Variants in MTCP1 observed in about 807,000 individuals in gnomAD.
MTCP1 encodes protein p13 MTCP-1.
MTCP1 carries 2 observed loss-of-function variants against 10.6 expected under a neutral mutation model. The observed-to-expected ratio is 0.19, with a 90% CI of 0.08 to 0.59. The LOEUF (loss-of-function observed/expected upper bound fraction) is 0.59, where lower values mean the gene tolerates loss of function less well. Among genes scored for constraint, MTCP1 ranks in the 20% least tolerant of loss-of-function variants. The probability of loss-of-function intolerance (pLI) is 0.90; values close to 1 mark genes in which losing one functional copy is unlikely to be tolerated. For synonymous variants in MTCP1, 29 were observed against 34.4 expected (o/e 0.84, Z 0.55); for missense variants, 33 against 91.5 (o/e 0.36, Z 2.61).
At chrX:155,066,798 A>G (rs115363683) in intron 1 of MTCP1, among the ~76,000 whole-genome samples, 5,226 of 111,617 alleles carry the variant, frequency 0.047, 315 homozygotes, top group African/African-American at 0.16. Flanking sequence ...AGGATGTTAC[A>G]GGAGCCCATT....
At chrX:155,069,461 G>C (rs2073961237) in intron 1 of MTCP1, among the ~76,000 whole-genome samples, 1 of 112,002 alleles carries the variant, frequency 8.9e-6, no homozygotes, top group Non-Finnish European at 1.9e-5. Context: ...TCTTTATTTA[G>C]CATTTCCTAT....
Position 155,064,228 on chromosome X carries a change from G to C in MTCP1, c.*1176C>G. On this transcript the variant is annotated 3_prime_UTR_variant, in exon 5 of 5. Transcript: ENST00000369476. Reference sequence around the variant, plus strand: ...AATATCCATTTCATTAGGCTTGGAAGATATAAATAGCTTTACATGGAAAAA... The same window carrying C: ...AATATCCATTTCATTAGGCTTGGAACATATAAATAGCTTTACATGGAAAAA... 2 of 300,168 alleles carry C rather than the reference G, an allele frequency of 6.7e-6. No individual in the cohort carries two copies. The highest frequency in any genetic ancestry group is 1.2e-5 in the Non-Finnish European group (2 of 168,876). The allele number at this position is 300,168 out of a possible 1,213,427, so 24.7% of individuals were successfully genotyped here.
Position 155,064,071 on chromosome X carries a change from C to G in MTCP1, c.*1333G>C. On this transcript the variant is annotated 3_prime_UTR_variant, in exon 5 of 5. Coordinates refer to ENST00000369476, the MANE Select transcript of MTCP1 (RefSeq NM_001018025.4). ...AAATGATTTTTATTTTTCTTTTTTC[C>G]ATAAAGACTTTAAAGCCCCTCTACG... The G allele has an allele frequency of 9.1e-7, 1 of 1,101,425 alleles. No homozygotes were observed. The highest frequency in any genetic ancestry group is 1.2e-6 in the Non-Finnish European group (1 of 818,129). 90.8% of individuals were successfully genotyped at this position (1,101,425 alleles called of 1,213,427 possible).
chrX:155,068,873 GCAATA>G (rs1384588635), intron 1 of MTCP1, among the ~76,000 whole-genome samples: 8 of 112,547 alleles, frequency 7.1e-5, no homozygotes, highest in African/African-American at 2.6e-4. Context: ...GGTACAAGGT[GCAATA>G]CAATACATGG....
chrX:155,066,136 C>G, intron 1 of MTCP1, 79 bp from the exon 2 acceptor site: 4 of 479,492 alleles, frequency 8.3e-6, no homozygotes, highest in Non-Finnish European at 1.4e-5. Context: ...TGATCTGGTA[C>G]TAGCAACCAC....
intron 1 of MTCP1, among the ~76,000 whole-genome samples, chrX:155,066,349 C>T (rs1399205728): frequency 2.7e-5 from 3 of 112,172 alleles, no homozygotes; most frequent in African/African-American, 9.7e-5. Context: ...GCAGTGGTCT[C>T]ACACATACTG....
chrX:155,066,648 AT>A (rs2073949558), intron 1 of MTCP1, among the ~76,000 whole-genome samples: 1 of 112,219 alleles, frequency 8.9e-6, no homozygotes, highest in East Asian at 2.8e-4. Context: ...CTAGAAGGGG[AT>A]TTTCTTGTTA....
At position 155,064,844 on chromosome X, in the gene MTCP1, A is replaced by C. The variant is rs1045759962; in HGVS notation, c.*560T>G. On this transcript the variant is annotated 3_prime_UTR_variant, in exon 5 of 5. Coordinates refer to ENST00000369476, the MANE Select transcript of MTCP1 (RefSeq NM_001018025.4). ...CCTTTGTAGCTAATTTCATCAATGC[A>C]TATCTCTTTTCAGAGCCCTCTAAAT... 1.8e-5 allele frequency: 2 copies of C among 112,669 alleles called. No individual in the cohort carries two copies. The highest frequency in any genetic ancestry group is 3.7e-5 in the Non-Finnish European group (2 of 53,407). The allele number at this position is 112,669 out of a possible 1,213,427, so 9.3% of individuals were successfully genotyped here. A position where few individuals can be genotyped will look rare whatever the true frequency, so the allele number is the denominator to read the frequency against.
Position 155,064,088 on chromosome X carries a change from C to T in MTCP1, c.*1316G>A, listed in dbSNP as rs931730944. The T allele has an allele frequency of 2.5e-5, 25 of 989,537 alleles. No individual in the cohort carries two copies. The highest frequency in any genetic ancestry group is 4.7e-5 in the South Asian group (2 of 42,926). The allele number at this position is 989,537 out of a possible 1,213,427, so 81.5% of individuals were successfully genotyped here. Reference sequence around the variant, plus strand: ...CTTTTTTCCATAAAGACTTTAAAGCCCCTCTACGTGGAATTTTCTTCTGAG... The same window carrying T: ...CTTTTTTCCATAAAGACTTTAAAGCTCCTCTACGTGGAATTTTCTTCTGAG... On this transcript the variant is annotated 3_prime_UTR_variant, in exon 5 of 5. Coordinates refer to ENST00000369476, the MANE Select transcript of MTCP1 (RefSeq NM_001018025.4).
intron 1 of MTCP1, among the ~76,000 whole-genome samples, chrX:155,066,744 G>GA (rs1387103566): frequency 8.9e-6 from 1 of 112,143 alleles, no homozygotes; most frequent in Non-Finnish European, 1.9e-5. Context: ...GAGTGCAAAT[G>GA]AAAGTTATCC....
intron 1 of MTCP1, among the ~76,000 whole-genome samples, chrX:155,066,301 T>C (rs1348008344): frequency 8.9e-6 from 1 of 111,933 alleles, no homozygotes; most frequent in Non-Finnish European, 1.9e-5. Flanking sequence ...AGGTGAGGAG[T>C]TCTGTGGAAA....
chrX:155,066,331 G>A (rs781893033), intron 1 of MTCP1, among the ~76,000 whole-genome samples: 2 of 112,472 alleles, frequency 1.8e-5, no homozygotes, highest in African/African-American at 3.2e-5. Context: ...AGCACTACAG[G>A]AAGCTGGGCA....
rs1569560354 is a variant in MTCP1 at position 155,065,176 on chromosome X, C to T, written c.*228G>A. The T allele has an allele frequency of 3.2e-6, 1 of 314,021 alleles. No individual in the cohort carries two copies. 25.9% of individuals were successfully genotyped at this position (314,021 alleles called of 1,213,427 possible). A position where few individuals can be genotyped will look rare whatever the true frequency, so the allele number is the denominator to read the frequency against. ...AAGGAGTCAATTTCAAGTTACGGATCCTGACTAAGTGCTTTTGTTGACTTG... is the reference window on the plus strand; with the variant it reads ...AAGGAGTCAATTTCAAGTTACGGATTCTGACTAAGTGCTTTTGTTGACTTG... On this transcript the variant is annotated 3_prime_UTR_variant, in exon 5 of 5. Transcript: ENST00000369476.
rs781860225 is a variant in MTCP1, at chrX:155,065,506, A to C, written c.308T>G (p.Leu103Arg). 5.0e-6 allele frequency: 6 copies of C among 1,210,027 alleles called. No individual in the cohort carries two copies. In the African/African-American group the frequency reaches 1.0e-4, roughly 21 times the overall value. ...CATACCAGGTTAGTCATCAGGCAAA[A>C]GCTTAAGCAACAGCTCCTGTACTCC... is the stretch of plus-strand genomic sequence containing the variant. ...VRGVQELLLK[L>R]LPDD The change falls in exon 4 of 5, where the codon CTT becomes CGT. Residue 103 changes from leucine (L) to arginine (R), a missense_variant. Coordinates refer to ENST00000369476, the MANE Select transcript of MTCP1 (RefSeq NM_001018025.4).
chrX:155,071,056 G>C lies in MTCP1; in HGVS notation c.-410C>G, dbSNP rs1024781267. On this transcript the variant is annotated 5_prime_UTR_variant, in exon 1 of 5. Coordinates refer to ENST00000369476, the MANE Select transcript of MTCP1 (RefSeq NM_001018025.4). ...CCCCAAGCGTGTAGGCCGCGCACGGGTCTCCTTAGCGGGCGGGCAAAATGG... is the reference window on the plus strand; with the variant it reads ...CCCCAAGCGTGTAGGCCGCGCACGGCTCTCCTTAGCGGGCGGGCAAAATGG... 4 of 112,560 alleles carry C rather than the reference G, an allele frequency of 3.6e-5. No individual in the cohort carries two copies. The highest frequency in any genetic ancestry group is 5.7e-5 in the Non-Finnish European group (3 of 53,006). The allele number at this position is 112,560 out of a possible 1,213,427, so 9.3% of individuals were successfully genotyped here. A position where few individuals can be genotyped will look rare whatever the true frequency, so the allele number is the denominator to read the frequency against.
Position 155,065,483 on chromosome X carries a change from T to A in MTCP1, c.*4+3A>T. 1 of 1,205,373 alleles carries A rather than the reference T, an allele frequency of 8.3e-7. No homozygotes were observed. Among genetic ancestry groups the A allele is most frequent in the Non-Finnish European group, 1.1e-6 (1 of 889,675 alleles). ...AGGACAGAGGAGAAATAGAAATACA[T>A]ACCAGGTTAGTCATCAGGCAAAAGC... On this transcript the variant is annotated splice_donor_region_variant and intron_variant, in intron 4 of 4. Coordinates refer to ENST00000369476, the MANE Select transcript of MTCP1 (RefSeq NM_001018025.4).
chrX:155,064,292 A>G lies in MTCP1; in HGVS notation c.*1112T>C, dbSNP rs1470467712. On this transcript the variant is annotated 3_prime_UTR_variant, in exon 5 of 5. Coordinates refer to ENST00000369476, the MANE Select transcript of MTCP1 (RefSeq NM_001018025.4). ...AATCAACTCTTTTTGAATACTGTAA[A>G]CCAACGTTAGGCTAGAGGAGCCGAC... 2 of 216,045 alleles carry G rather than the reference A, an allele frequency of 9.3e-6. No individual in the cohort carries two copies. The highest frequency in any genetic ancestry group is 5.7e-5 in the African/African-American group (2 of 34,804). The allele number at this position is 216,045 out of a possible 1,213,427, so 17.8% of individuals were successfully genotyped here.
rs200622108 is a variant in MTCP1, at chrX:155,065,914, C to G, written c.97G>C (p.Val33Leu). The change falls in exon 2 of 5, where the codon GTG becomes CTG. Residue 33 changes from valine to leucine, a missense_variant. Coordinates refer to ENST00000369476, the MANE Select transcript of MTCP1 (RefSeq NM_001018025.4). ...DEYQRTWVAV[V>L]EEETSFLRAR... ...AAAATGTAAACAGTTACCTCTTCCA[C>G]GACGGCCACCCACGTGCGCTGGTAT... 39 of 1,209,032 alleles carry G rather than the reference C, an allele frequency of 3.2e-5. No homozygotes were observed. The Admixed American group carries it at 3.7e-4, about 11-fold the overall frequency.
At chrX:155,065,813 A>G in intron 2 of MTCP1, 24 bp from the exon 3 acceptor site, 1 of 1,206,436 alleles carries the variant, frequency 8.3e-7, no homozygotes, top group Non-Finnish European at 1.1e-6. Flanking sequence ...ATGATCAAAA[A>G]TAAAACCAAA....
Sources: gnomAD v4.1 joint callset for allele counts (sites outside exome capture counted in the v4.1 genomes callset) on GRCh38, gnomAD v4.1.1 for gene constraint, MANE v1.5 for transcripts, NCBI Gene and HGNC (gene_info 2026-07-23, HGNC 2026-07-21) for gene names.